SPAG17: variants seen among roughly 807,000 people sequenced by gnomAD.
SPAG17 encodes sperm associated antigen 17.
In SPAG17, 169 loss-of-function variants were observed where a neutral mutation model predicts 273.6. The ratio of observed to expected loss-of-function variants is 0.62; its 90% CI spans 0.55 to 0.70. SPAG17 has a LOEUF of 0.70. Among genes scored for constraint, SPAG17 ranks in the 30% least tolerant of loss-of-function variants. SPAG17 has a pLI of 0.00. For missense variants in SPAG17, 2,557 were observed against 2,627.8 expected (o/e 0.97, Z 0.59); for synonymous variants, 825 against 873.2 (o/e 0.94, Z 0.97).
intron 40 of SPAG17, among the ~76,000 whole-genome samples, chr1:117,987,251 A>T (rs143591523): frequency 6.6e-6 from 1 of 152,280 alleles, no homozygotes; most frequent in African/African-American, 2.4e-5. Flanking sequence ...CATGAGGCTT[A>T]AAGTCTTATC....
intron 43 of SPAG17, among the ~76,000 whole-genome samples, chr1:117,976,035 G>C (rs901892875): frequency 6.6e-6 from 1 of 152,208 alleles, no homozygotes; most frequent in African/African-American, 2.4e-5. Flanking sequence ...AAGAGAAATA[G>C]GAAGAGATAA....
chr1:118,141,908 T>C (rs1171558992), intron 3 of SPAG17, among the ~76,000 whole-genome samples: 1 of 152,224 alleles, frequency 6.6e-6, no homozygotes, highest in Non-Finnish European at 1.5e-5. Context: ...CCATGAGGAC[T>C]AGTATAATGG....
chr1:118,128,090 C>T (rs368641398), intron 3 of SPAG17, among the ~76,000 whole-genome samples: 1 of 151,810 alleles, frequency 6.6e-6, no homozygotes, highest in South Asian at 2.1e-4. Flanking sequence ...CCGCTGCACT[C>T]CAGCCTGGCG....
Position 117,991,439 on chromosome 1 carries a change from A to C in SPAG17, c.5451T>G (p.Ala1817=). ...CCATAACCAGCTTGAGGAGATCAGCAGCATTGCCTCTCTCCTCCTCAGTTC... is the reference window on the plus strand; with the variant it reads ...CCATAACCAGCTTGAGGAGATCAGCCGCATTGCCTCTCTCCTCCTCAGTTC... ...DSRTEEERGN[A]ADLLKLVMSF... The change falls in exon 37 of 49, where the codon GCT becomes GCG. Residue 1817 remains alanine (A), a synonymous_variant. Transcript: ENST00000336338. 1 of 1,609,872 alleles carries C rather than the reference A, an allele frequency of 6.2e-7. No homozygotes were observed. The highest frequency in any genetic ancestry group is 8.5e-7 in the Non-Finnish European group (1 of 1,177,548).
intron 24 of SPAG17, among the ~76,000 whole-genome samples, chr1:118,033,474 C>T (rs1571297472): frequency 6.6e-6 from 1 of 152,158 alleles, no homozygotes; most frequent in East Asian, 1.9e-4. Flanking sequence ...CTATCTATTC[C>T]CATTGTCTTA....
chr1:117,973,370 G>T, intron 44 of SPAG17, 55 bp downstream of exon 44: 1 of 1,569,568 alleles, frequency 6.4e-7, no homozygotes, highest in Non-Finnish European at 8.6e-7. Flanking sequence ...AAAAAATAAA[G>T]AATTCCATCA....
At chr1:118,031,981 C>T (rs1571293118) in intron 24 of SPAG17, 114 bp from the exon 25 acceptor site, 8 of 780,472 alleles carry the variant, frequency 1.0e-5, no homozygotes, top group Non-Finnish European at 1.6e-5. Context: ...TTTTACCTTG[C>T]TAAATATGAT....
chr1:117,969,397 G>A (rs1654292292), intron 46 of SPAG17, among the ~76,000 whole-genome samples: 1 of 151,994 alleles, frequency 6.6e-6, no homozygotes, highest in South Asian at 2.1e-4. Context: ...TGACTAGCAT[G>A]GTGAAACCCT....
intron 48 of SPAG17, chr1:117,961,434 T>C (rs1653087469): frequency 6.6e-6 from 1 of 152,208 alleles, no homozygotes; most frequent in Non-Finnish European, 1.5e-5. Context: ...GGGTCTGGGC[T>C]TTTCTTTTGG....
chr1:118,003,452 G>C (rs1252442314), intron 32 of SPAG17, among the ~76,000 whole-genome samples: 2 of 152,114 alleles, frequency 1.3e-5, no homozygotes, highest in Non-Finnish European at 2.9e-5. Context: ...ATCACTTTCA[G>C]GTCCATCAGT....
At chr1:117,984,098 C>T (rs1166418282) in intron 41 of SPAG17, among the ~76,000 whole-genome samples, 185 bp from the exon 42 acceptor site, 1 of 152,140 alleles carries the variant, frequency 6.6e-6, no homozygotes, top group Non-Finnish European at 1.5e-5. Context: ...GTCATAATTT[C>T]CTGTAATTTC....
chr1:118,005,185 C>G (rs1472456416), intron 32 of SPAG17, among the ~76,000 whole-genome samples: 4 of 152,164 alleles, frequency 2.6e-5, no homozygotes, highest in Non-Finnish European at 2.9e-5. Context: ...TTATTTAGCC[C>G]TAACATTTCT....
rs150939360 is a variant in SPAG17, at chr1:118,058,281, C to T, written c.2541-2367G>A. ...GGAGTGCAGGGGTACAATCATGTCT[C>T]ACAGGTGCCTCAAACTCCTGGGCTT... is the stretch of plus-strand genomic sequence containing the variant. On this transcript the variant is annotated intron_variant, in intron 18 of 48. Coordinates refer to ENST00000336338, the MANE Select transcript of SPAG17 (RefSeq NM_206996.4). Among the ~76,000 whole-genome samples, 465 of 152,252 alleles carry T rather than the reference C, an allele frequency of 3.1e-3. 3 individuals carry two copies. Among genetic ancestry groups the T allele is most frequent in the African/African-American group, 0.011 (449 of 41,546 alleles).
chr1:118,135,070 TA>T (rs1422441332), intron 3 of SPAG17, among the ~76,000 whole-genome samples: 1 of 152,226 alleles, frequency 6.6e-6, no homozygotes, highest in Non-Finnish European at 1.5e-5. Context: ...AGGCCACCAG[TA>T]AAATATGTGC....
At position 118,041,994 on chromosome 1, in the gene SPAG17, C is replaced by G; in HGVS notation, c.2863G>C (p.Glu955Gln). ...CCCTTCTTCTCTGCTTTCTTTTCTTCCCTTAAGCGCTCCTCTTCTGCTAAT... is the reference window on the plus strand; with the variant it reads ...CCCTTCTTCTCTGCTTTCTTTTCTTGCCTTAAGCGCTCCTCTTCTGCTAAT... ...HRLAEEERLR[E>Q]EKKAEKKGKE... The change falls in exon 21 of 49, where the codon GAA (glutamate) becomes CAA (glutamine). Residue 955 changes from glutamate to glutamine, a missense_variant. By Grantham distance (29) the Glu-to-Gln change is conservative (BLOSUM62 2). Transcript: ENST00000336338. 6.2e-7 allele frequency: 1 copy of G among 1,613,912 alleles called. No homozygotes were observed. Among genetic ancestry groups the G allele is most frequent in the East Asian group, 2.2e-5 (1 of 44,864 alleles).
chr1:118,125,632 T>C (rs564180539), intron 3 of SPAG17, among the ~76,000 whole-genome samples: 158 of 152,362 alleles, frequency 1.0e-3, no homozygotes, highest in African/African-American at 3.8e-3. Flanking sequence ...GGTATTTATC[T>C]GTCTGTGTCT....
chr1:118,147,767 T>C (rs924549252), intron 3 of SPAG17, among the ~76,000 whole-genome samples: 3 of 152,124 alleles, frequency 2.0e-5, no homozygotes, highest in Non-Finnish European at 4.4e-5. Flanking sequence ...CTTGAGCAAA[T>C]CACTTAGGAA....
chr1:117,959,306 C>A lies in SPAG17; in HGVS notation c.*4493G>T, dbSNP rs373860081. The A allele has an allele frequency of 1.2e-5, 19 of 1,611,284 alleles. No homozygotes were observed. Among genetic ancestry groups the A allele is most frequent in the Non-Finnish European group, 1.6e-5 (19 of 1,179,344 alleles). On this transcript the variant is annotated intron_variant, in intron 48 of 48. Coordinates refer to ENST00000336338, the MANE Select transcript of SPAG17 (RefSeq NM_206996.4). ...TTGCACTCCAGGATGTTATCGGCTT[C>A]AATATGGCTGGTCTTGATTATCTCA...
chr1:118,125,579 T>A (rs899047458), intron 3 of SPAG17, among the ~76,000 whole-genome samples: 1 of 152,220 alleles, frequency 6.6e-6, no homozygotes, highest in African/African-American at 2.4e-5. Flanking sequence ...ACTCTTTACA[T>A]CTATAAGCTC....
Sources: gnomAD v4.1 joint callset for allele counts (sites outside exome capture counted in the v4.1 genomes callset) on GRCh38, gnomAD v4.1.1 for gene constraint, MANE v1.5 for transcripts, NCBI Gene and HGNC (gene_info 2026-07-23, HGNC 2026-07-21) for gene names.